Variants in MAF observed in about 807,000 individuals in gnomAD.
The protein encoded by MAF is MAF bZIP transcription factor, also known as transcription factor Maf.
In MAF, 10 loss-of-function variants were observed where a neutral mutation model predicts 22.0. The observed-to-expected ratio is 0.45, with a 90% CI of 0.28 to 0.77. The LOEUF is 0.77. Among genes scored for constraint, MAF ranks in the 30% least tolerant of loss-of-function variants. The pLI, the probability that MAF is intolerant of heterozygous loss-of-function variation, is 0.12. For missense variants in MAF, 544 were observed against 548.4 expected, an observed-to-expected ratio of 0.99 and a Z score of 0.08; for synonymous variants, 337 against 255.8, an observed-to-expected ratio of 1.32 and a Z score of -3.03.
At chr16:79,283,175 T>A in the MAF span, among the ~76,000 whole-genome samples, 1 of 152,190 alleles carries the variant, frequency 6.6e-6, no homozygotes, top group Non-Finnish European at 1.5e-5. Flanking sequence ...AGTGGATAGA[T>A]GGACGGATGA....
At chr16:79,308,550 G>C in the MAF span, among the ~76,000 whole-genome samples, 1 of 152,136 alleles carries the variant, frequency 6.6e-6, no homozygotes, top group African/African-American at 2.4e-5. Flanking sequence ...GCAAAAGCCT[G>C]GGATCATAAA....
At chr16:79,419,002 T>C in the MAF span, among the ~76,000 whole-genome samples, 2 of 152,210 alleles carry the variant, frequency 1.3e-5, no homozygotes, top group East Asian at 3.8e-4. Context: ...TTGTGGTATG[T>C]TAATAAGTGC....
chr16:79,530,611 A>G, the MAF span, among the ~76,000 whole-genome samples: 1 of 152,214 alleles, frequency 6.6e-6, no homozygotes, highest in African/African-American at 2.4e-5. Flanking sequence ...AAACAAAGAT[A>G]CAACATAAAC....
In MAF at chr16:79,598,826, G is replaced by C; in HGVS notation, c.1077C>G (p.Asn359Lys). 1.2e-6 allele frequency: 2 copies of C among 1,613,844 alleles called. No individual in the cohort carries two copies. The highest frequency in any genetic ancestry group is 1.7e-6 in the Non-Finnish European group (2 of 1,179,988). The change falls in exon 1 of 2, where the codon AAC becomes AAG. Residue 359 changes from asparagine to lysine, a missense_variant. Transcript: ENST00000326043. Reference sequence around the variant, plus strand: ...AGGACGGGTTGTCGCTGCTCGAGCCGTTTTCTCGGAAGCCGCTGCTCACCA... The same window carrying C: ...AGGACGGGTTGTCGCTGCTCGAGCCCTTTTCTCGGAAGCCGCTGCTCACCA... ...EKLVSSGFRE[N>K]GSSSDNPSSP...
At chr16:79,487,817 A>T in the MAF span, among the ~76,000 whole-genome samples, 1 of 152,168 alleles carries the variant, frequency 6.6e-6, no homozygotes, top group South Asian at 2.1e-4. Flanking sequence ...CGTGGTTGCT[A>T]AGAATCCCTC....
the MAF span, among the ~76,000 whole-genome samples, chr16:79,413,705 G>C: frequency 2.6e-5 from 4 of 152,120 alleles, no homozygotes; most frequent in African/African-American, 4.8e-5. Context: ...GTGGGATCAG[G>C]TGCCTGAAAC....
rs957412930 is a variant in MAF at position 79,600,117 on chromosome 16, C to T, written c.-215G>A. On this transcript the variant is annotated 5_prime_UTR_variant, in exon 1 of 2. Transcript: ENST00000326043. Reference sequence around the variant, plus strand: ...CCCCCCGCGCCCGCCCTCCCTCCCCCCTGCTCACGCCAATGTGCTCCCTCG... The same window carrying T: ...CCCCCCGCGCCCGCCCTCCCTCCCCTCTGCTCACGCCAATGTGCTCCCTCG... 1 of 559,118 alleles carries T rather than the reference C, an allele frequency of 1.8e-6. No homozygotes were observed. The highest frequency in any genetic ancestry group is 3.8e-5 in the Admixed American group (1 of 26,212). The allele number at this position is 559,118 out of a possible 1,614,324, so 34.6% of individuals were successfully genotyped here.
chr16:79,558,783 C>CA, the MAF span, among the ~76,000 whole-genome samples: 63 of 152,264 alleles, frequency 4.1e-4, no homozygotes, highest in African/African-American at 1.5e-3. Context: ...CAAAACAAAA[C>CA]AATTTTCCCT....
the MAF span, among the ~76,000 whole-genome samples, chr16:79,549,883 A>C: frequency 6.6e-6 from 1 of 152,184 alleles, no homozygotes; most frequent in Non-Finnish European, 1.5e-5. Flanking sequence ...GTCAAAAAGG[A>C]TGCCTAAAAA....
the MAF span, among the ~76,000 whole-genome samples, chr16:79,226,895 TG>T: frequency 6.6e-6 from 1 of 152,132 alleles, no homozygotes; most frequent in Non-Finnish European, 1.5e-5. Flanking sequence ...GGTCCAGTCA[TG>T]GAGCCTCCAG....
the MAF span, among the ~76,000 whole-genome samples, chr16:79,577,960 AC>A: frequency 6.6e-6 from 1 of 152,124 alleles, no homozygotes; most frequent in African/African-American, 2.4e-5. Flanking sequence ...TCTGTTCAAT[AC>A]CCTTGACATT....
the MAF span, among the ~76,000 whole-genome samples, chr16:79,441,210 T>A: frequency 7.0e-4 from 107 of 152,344 alleles, no homozygotes; most frequent in Non-Finnish European, 1.3e-3. Flanking sequence ...CATTACAAAT[T>A]GAACCACAGA....
chr16:79,556,427 G>C, the MAF span, among the ~76,000 whole-genome samples: 1 of 152,182 alleles, frequency 6.6e-6, no homozygotes, highest in Non-Finnish European at 1.5e-5. Context: ...AAAGAGAGTT[G>C]TATTGGGTTT....
the MAF span, among the ~76,000 whole-genome samples, chr16:79,262,142 A>C: frequency 6.6e-6 from 1 of 152,132 alleles, no homozygotes; most frequent in Non-Finnish European, 1.5e-5. Context: ...GGAGCTTTAC[A>C]TATGTTGTCT....
chr16:79,235,823 G>A, the MAF span, among the ~76,000 whole-genome samples: 2 of 152,012 alleles, frequency 1.3e-5, no homozygotes, highest in Non-Finnish European at 2.9e-5. Context: ...AGCAGTAATG[G>A]TTGTGATGGT....
At chr16:79,591,987 G>C (rs1028153730), downstream of MAF, among the ~76,000 whole-genome samples, 5 of 152,170 alleles carry the variant, frequency 3.3e-5, no homozygotes, top group African/African-American at 1.2e-4. Flanking sequence ...ATGGACAGCC[G>C]AGCCTAGTTT....
At chr16:79,540,555 G>A in the MAF span, among the ~76,000 whole-genome samples, 2 of 152,166 alleles carry the variant, frequency 1.3e-5, no homozygotes, top group African/African-American at 4.8e-5. Flanking sequence ...ACCCCACCCT[G>A]CTCATGGTCA....
chr16:79,311,882 C>G, the MAF span, among the ~76,000 whole-genome samples: 1 of 152,122 alleles, frequency 6.6e-6, no homozygotes, highest in African/African-American at 2.4e-5. Flanking sequence ...GCACACGGAC[C>G]TCAGCAGAGC....
the MAF span, among the ~76,000 whole-genome samples, chr16:79,228,261 G>T: frequency 6.6e-6 from 1 of 151,980 alleles, no homozygotes; most frequent in Non-Finnish European, 1.5e-5. Flanking sequence ...CTATTTGAAG[G>T]GAAAGAATGA....
Sources: gnomAD v4.1 joint callset for allele counts (sites outside exome capture counted in the v4.1 genomes callset) on GRCh38, gnomAD v4.1.1 for gene constraint, MANE v1.5 for transcripts, NCBI Gene and HGNC (gene_info 2026-07-23, HGNC 2026-07-21) for gene names.